CSMD3: variants seen among roughly 807,000 people sequenced by gnomAD.
The protein encoded by CSMD3 is CUB and Sushi multiple domains 3, also known as CUB and sushi domain-containing protein 3.
In CSMD3, 177 loss-of-function variants were observed where a neutral mutation model predicts 435.2. The observed-to-expected ratio is 0.41, with a 90% CI of 0.36 to 0.46. The LOEUF (loss-of-function observed/expected upper bound fraction) is 0.46, where lower values mean the gene tolerates loss of function less well. Among genes scored for constraint, CSMD3 ranks in the 20% least tolerant of loss-of-function variants. The pLI, the probability that CSMD3 is intolerant of heterozygous loss-of-function variation, is 0.34. For missense variants in CSMD3, 4,265 were observed against 4,504.6 expected (o/e 0.95, Z 1.52); for synonymous variants, 1,656 against 1,520.5 (o/e 1.09, Z -2.07).
At chr8:112,557,237 A>G (rs1300410864) in intron 24 of CSMD3, among the ~76,000 whole-genome samples, 1 of 151,922 alleles carries the variant, frequency 6.6e-6, no homozygotes, top group African/African-American at 2.4e-5. Flanking sequence ...CAAGTGATTT[A>G]GAGTTAATAG....
intron 22 of CSMD3, among the ~76,000 whole-genome samples, chr8:112,600,747 G>A (rs912023091): frequency 1.3e-5 from 2 of 150,978 alleles, no homozygotes; most frequent in East Asian, 2.0e-4. Context: ...GTGCGATCTC[G>A]GCTCACTGCA....
intron 22 of CSMD3, among the ~76,000 whole-genome samples, chr8:112,589,819 G>A (rs766451048): frequency 5.9e-5 from 9 of 152,074 alleles, no homozygotes; most frequent in African/African-American, 2.2e-4. Context: ...AAGTCCTAAC[G>A]ATCCAACCGG....
chr8:113,339,888 T>G (rs2094106068), intron 1 of CSMD3, among the ~76,000 whole-genome samples: 1 of 152,038 alleles, frequency 6.6e-6, no homozygotes, highest in Non-Finnish European at 1.5e-5. Context: ...GCTCACACCG[T>G]AAATTATAAT....
intron 5 of CSMD3, among the ~76,000 whole-genome samples, chr8:113,082,566 T>A (rs2089607783): frequency 6.6e-6 from 1 of 151,650 alleles, no homozygotes; most frequent in Non-Finnish European, 1.5e-5. Context: ...TATAGGGTCA[T>A]AAGAAACATG....
At chr8:112,542,901 G>A (rs1205194480) in intron 27 of CSMD3, among the ~76,000 whole-genome samples, 1 of 152,026 alleles carries the variant, frequency 6.6e-6, no homozygotes, top group East Asian at 1.9e-4. Flanking sequence ...AGAGAGACCA[G>A]AAATAAATCT....
intron 5 of CSMD3, among the ~76,000 whole-genome samples, chr8:113,085,173 T>C (rs2089714366): frequency 6.6e-6 from 1 of 151,392 alleles, no homozygotes; most frequent in Non-Finnish European, 1.5e-5. Context: ...TGGGAGAAAA[T>C]ATTTTAAAAC....
In CSMD3 at chr8:112,520,301, T is replaced by C. The variant is rs569344576; in HGVS notation, c.4565-3076A>G. Among the ~76,000 whole-genome samples the C allele has an allele frequency of 2.6e-5, 4 of 152,164 alleles. No individual in the cohort carries two copies. In the East Asian group the frequency reaches 7.7e-4, roughly 29 times the overall value. ...ACACTCAAGCTAAAACACAGAATCC[T>C]TACAAAGTGGTATTTTCATCCCCAT... On this transcript the variant is annotated intron_variant, in intron 27 of 70. Transcript: ENST00000297405.
Position 112,335,430 on chromosome 8 carries a change from C to T in CSMD3, c.7064G>A (p.Gly2355Asp), listed in dbSNP as rs2130948253. The part of the protein sequence containing the change: ...QNSPQIGQFS[G>D]NTALESVYST... Reference sequence around the variant, plus strand: ...GTAGACTGATTCCAAAGCGGTATTGCCACTGAACTGACCGATCTGAGGTGA... The same window carrying T: ...GTAGACTGATTCCAAAGCGGTATTGTCACTGAACTGACCGATCTGAGGTGA... The change falls in exon 45 of 71, where the codon GGC (glycine) becomes GAC (aspartate). Residue 2355 changes from glycine (G) to aspartate (D), a missense_variant. Coordinates refer to ENST00000297405, the MANE Select transcript of CSMD3 (RefSeq NM_198123.2). 6.2e-7 allele frequency: 1 copy of T among 1,613,866 alleles called. No individual in the cohort carries two copies. The highest frequency in any genetic ancestry group is 8.5e-7 in the Non-Finnish European group (1 of 1,179,880).
intron 1 of CSMD3, among the ~76,000 whole-genome samples, chr8:113,409,079 C>A (rs868354936): frequency 1.0e-5 from 1 of 99,092 alleles, no homozygotes; most frequent in Non-Finnish European, 1.9e-5. Context: ...TCTTCTTCTT[C>A]TTTTTTTTTT....
intron 5 of CSMD3, among the ~76,000 whole-genome samples, chr8:113,094,766 A>G (rs1372812646): frequency 6.6e-6 from 1 of 152,136 alleles, no homozygotes; most frequent in African/African-American, 2.4e-5. Flanking sequence ...CAAATTATAT[A>G]AATGTATTCA....
At chr8:113,354,023 A>C (rs1007931627) in intron 1 of CSMD3, among the ~76,000 whole-genome samples, 1 of 152,138 alleles carries the variant, frequency 6.6e-6, no homozygotes, top group South Asian at 2.1e-4. Flanking sequence ...ATTTTTAATA[A>C]AAGTGTACAA....
intron 5 of CSMD3, among the ~76,000 whole-genome samples, chr8:113,084,295 T>C (rs1436638897): frequency 6.6e-6 from 1 of 152,032 alleles, no homozygotes; most frequent in Non-Finnish European, 1.5e-5. Context: ...TCAGCAGTAT[T>C]TCTATTCACT....
In CSMD3 at chr8:112,682,419, T is replaced by C. The variant is rs190439152; in HGVS notation, c.2677+23A>G. Reference sequence around the variant, plus strand: ...GTACATAATGATGATGAGGTTCTATTTCTCACTCACTACTACACTTACCTC... The same window carrying C: ...GTACATAATGATGATGAGGTTCTATCTCTCACTCACTACTACACTTACCTC... On this transcript the variant is annotated intron_variant, in intron 16 of 70. Transcript: ENST00000297405. 7.6e-6 allele frequency: 12 copies of C among 1,579,238 alleles called. No individual in the cohort carries two copies. In the African/African-American group the frequency reaches 9.4e-5, roughly 12 times the overall value.
chr8:112,748,323 T>A (rs1411626622), intron 13 of CSMD3, among the ~76,000 whole-genome samples: 2 of 152,172 alleles, frequency 1.3e-5, no homozygotes, highest in Non-Finnish European at 2.9e-5. Context: ...ACAATCATAA[T>A]ATAACAAAAC....
chr8:112,957,870 C>A (rs1173595108), intron 7 of CSMD3, among the ~76,000 whole-genome samples: 1 of 152,154 alleles, frequency 6.6e-6, no homozygotes, highest in Non-Finnish European at 1.5e-5. Context: ...TACAGCCTCC[C>A]AAGTAGCTGG....
chr8:112,702,702 G>C (rs995953689), intron 13 of CSMD3, among the ~76,000 whole-genome samples: 1 of 152,004 alleles, frequency 6.6e-6, no homozygotes, highest in African/African-American at 2.4e-5. Context: ...CAGCATTTTG[G>C]TAGGAGAGTA....
chr8:112,595,271 G>A (rs1040711949), intron 22 of CSMD3, among the ~76,000 whole-genome samples: 3 of 151,966 alleles, frequency 2.0e-5, no homozygotes, highest in South Asian at 2.1e-4. Flanking sequence ...ATCAGCAATG[G>A]AAGATGAAAC....
intron 5 of CSMD3, among the ~76,000 whole-genome samples, chr8:113,048,171 C>A (rs1473666166): frequency 1.3e-5 from 2 of 148,148 alleles, no homozygotes; most frequent in African/African-American, 5.0e-5. Context: ...CGGCTCACTG[C>A]AAGCTCCGCC....
At chr8:112,965,643 A>G (rs2130884645) in intron 7 of CSMD3, among the ~76,000 whole-genome samples, 1 of 152,056 alleles carries the variant, frequency 6.6e-6, no homozygotes, top group East Asian at 1.9e-4. Context: ...TTGTGAATAA[A>G]ATAAATTTTC....
Sources: gnomAD v4.1 joint callset for allele counts (sites outside exome capture counted in the v4.1 genomes callset) on GRCh38, gnomAD v4.1.1 for gene constraint, MANE v1.5 for transcripts, NCBI Gene and HGNC (gene_info 2026-07-23, HGNC 2026-07-21) for gene names.